TRIP12: variants seen among roughly 807,000 people sequenced by gnomAD.
TRIP12 encodes the protein thyroid hormone receptor interactor 12, also known as E3 ubiquitin-protein ligase TRIP12.
TRIP12 carries 25 observed loss-of-function variants against 244.2 expected under a neutral mutation model. That is an observed-to-expected ratio of 0.10 (90% CI 0.07 to 0.14). The LOEUF is 0.14. Among genes scored for constraint, TRIP12 ranks in the 10% least tolerant of loss-of-function variants. TRIP12 has a pLI of 1.00. For missense variants in TRIP12, 1,677 were observed against 2,486.4 expected (o/e 0.67, Z 6.92); for synonymous variants, 905 against 873.1 (o/e 1.04, Z -0.64).
intron 1 of TRIP12, among the ~76,000 whole-genome samples, chr2:229,900,112 C>T (rs904799111): frequency 1.3e-5 from 2 of 152,172 alleles, no homozygotes; most frequent in Non-Finnish European, 2.9e-5. Flanking sequence ...GAGAACTTAA[C>T]ACACTATGTA....
chr2:229,859,584 T>G lies in TRIP12; in HGVS notation c.225-10A>C, dbSNP rs550235760. Reference sequence around the variant, plus strand: ...TGATGAACTGCAGCTTCTAAGAGGTTAGATAAGAAAACAGTTAATATCAGC... The same window carrying G: ...TGATGAACTGCAGCTTCTAAGAGGTGAGATAAGAAAACAGTTAATATCAGC... On this transcript the variant is annotated splice_polypyrimidine_tract_variant and intron_variant, in intron 3 of 41. Coordinates refer to ENST00000675903, the MANE Select transcript of TRIP12 (RefSeq NM_001348323.3). 6.2e-7 allele frequency: 1 copy of G among 1,603,474 alleles called. No homozygotes were observed. The highest frequency in any genetic ancestry group is 8.5e-7 in the Non-Finnish European group (1 of 1,175,342).
At chr2:229,837,490 C>T (rs1406911241) in intron 5 of TRIP12, among the ~76,000 whole-genome samples, 2 of 152,042 alleles carry the variant, frequency 1.3e-5, no homozygotes, top group East Asian at 3.9e-4. Context: ...CAAAAATTAG[C>T]CAGGTGTGGT....
In TRIP12 at chr2:229,840,700, C is replaced by CA. The variant is rs1476686036; in HGVS notation, c.1133+121dup. ...CTGGGTGACAAGAGCAAGACTCCGT[C>CA]AAAAAACAAAACAAAACAAACAAAA... On this transcript the variant is annotated intron_variant, in intron 5 of 41. Transcript: ENST00000675903. 3.8e-5 allele frequency: 29 copies of CA among 771,440 alleles called. 1 individual carries two copies. The South Asian group carries it at 4.4e-4, about 12-fold the overall frequency. 47.8% of individuals were successfully genotyped at this position (771,440 alleles called of 1,614,324 possible).
chr2:229,918,532 A>G (rs2075925741), intron 1 of TRIP12, among the ~76,000 whole-genome samples: 1 of 152,238 alleles, frequency 6.6e-6, no homozygotes, highest in South Asian at 2.1e-4. Context: ...ACAAACCAGA[A>G]CAGGTACTTT....
intron 2 of TRIP12, among the ~76,000 whole-genome samples, chr2:229,869,608 C>T (rs956513397): frequency 1.3e-5 from 2 of 152,258 alleles, no homozygotes; most frequent in African/African-American, 2.4e-5. Context: ...AAAAACCCTA[C>T]CCTACCCTCA....
chr2:229,854,946 C>A (rs544379684), intron 4 of TRIP12, among the ~76,000 whole-genome samples: 23 of 152,300 alleles, frequency 1.5e-4, no homozygotes, highest in Non-Finnish European at 2.6e-4. Context: ...AGCTTCCTAA[C>A]CGGTAAACTG....
At chr2:229,781,436 G>A (rs555394533) in intron 34 of TRIP12, among the ~76,000 whole-genome samples, 1 of 152,182 alleles carries the variant, frequency 6.6e-6, no homozygotes. Flanking sequence ...AACAACATGA[G>A]GAGGCAGCTG....
intron 37 of TRIP12, among the ~76,000 whole-genome samples, 194 bp from the exon 38 acceptor site, chr2:229,774,455 TAAGAA>T (rs1347501724): frequency 1.3e-5 from 2 of 152,178 alleles, no homozygotes; most frequent in African/African-American, 2.4e-5. Flanking sequence ...GAAGTAAGCA[TAAGAA>T]AAGAGAGCTG....
intron 38 of TRIP12, among the ~76,000 whole-genome samples, chr2:229,772,038 C>T (rs534857435): frequency 2.3e-4 from 35 of 152,198 alleles, no homozygotes; most frequent in Middle Eastern, 3.2e-3. Flanking sequence ...TAATTTTTAA[C>T]GTAAAATGTT....
At chr2:229,801,990 C>A (rs1014953779) in intron 21 of TRIP12, among the ~76,000 whole-genome samples, 1 of 152,080 alleles carries the variant, frequency 6.6e-6, no homozygotes, top group African/African-American at 2.4e-5. Flanking sequence ...TGTGTAACAC[C>A]GTGCAAGTCA....
chr2:229,893,669 T>C (rs752276798), intron 1 of TRIP12, among the ~76,000 whole-genome samples: 3 of 152,226 alleles, frequency 2.0e-5, no homozygotes, highest in African/African-American at 7.2e-5. Context: ...TTCTACTGTA[T>C]GAATATGAAC....
Position 229,778,596 on chromosome 2 carries a change from CA to C in TRIP12, c.5210-10del. On this transcript the variant is annotated splice_polypyrimidine_tract_variant and intron_variant, in intron 35 of 41. Transcript: ENST00000675903. This position sits in a 1 kb window ranked among gnomAD's most constrained non-coding sequence, Gnocchi z 4.1. ...GGTCCCTTCTTGGCTCCCTGAAAAA[CA>C]AGCAATGCAGCAAACTTCAGATGAT... The C allele has an allele frequency of 1.2e-6, 2 of 1,606,536 alleles. No homozygotes were observed. Among genetic ancestry groups the C allele is most frequent in the Non-Finnish European group, 8.5e-7 (1 of 1,176,260 alleles).
At chr2:229,905,323 G>A (rs1161759811) in intron 1 of TRIP12, among the ~76,000 whole-genome samples, 1 of 151,260 alleles carries the variant, frequency 6.6e-6, no homozygotes, top group Non-Finnish European at 1.5e-5. Flanking sequence ...AAGTGGGCAA[G>A]TGCAGATAAT....
chr2:229,795,367 C>T, intron 25 of TRIP12, 37 bp from the exon 26 acceptor site: 1 of 1,566,010 alleles, frequency 6.4e-7, no homozygotes, highest in Non-Finnish European at 8.7e-7. Flanking sequence ...TAAACAAAGC[C>T]TTTTCAAAAC....
chr2:229,903,018 CTTTTTT>C (rs57794819), intron 1 of TRIP12, among the ~76,000 whole-genome samples: 15 of 104,898 alleles, frequency 1.4e-4, no homozygotes, highest in African/African-American at 4.4e-4. Flanking sequence ...TTCTTTTTTT[CTTTTTT>C]TTTTTTTTTT....
chr2:229,803,923 ATTACT>A (rs1477187597), intron 19 of TRIP12, 71 bp downstream of exon 19: 3 of 1,318,696 alleles, frequency 2.3e-6, no homozygotes, highest in Non-Finnish European at 3.1e-6. Context: ...TTTTTCTATT[ATTACT>A]TTAGAGGTTT....
At chr2:229,910,777 T>C (rs2074111726) in intron 1 of TRIP12, among the ~76,000 whole-genome samples, 1 of 151,964 alleles carries the variant, frequency 6.6e-6, no homozygotes, top group African/African-American at 2.4e-5. Flanking sequence ...AAGAGTAGAG[T>C]AAAAAAGATG....
chr2:229,907,899 T>G (rs983368431), intron 1 of TRIP12, among the ~76,000 whole-genome samples: 2 of 152,166 alleles, frequency 1.3e-5, no homozygotes, highest in African/African-American at 4.8e-5. Flanking sequence ...TATTAACTAA[T>G]TTAATCCTCA....
At chr2:229,791,015 AACTAT>A in intron 30 of TRIP12, 104 bp downstream of exon 30, 2 of 1,373,030 alleles carry the variant, frequency 1.5e-6, no homozygotes, top group Non-Finnish European at 2.0e-6. Flanking sequence ...TTTATTTCTC[AACTAT>A]ATTCAAAAAT....
Sources: allele counts gnomAD v4.1 joint callset (sites outside exome capture counted in the v4.1 genomes callset), GRCh38; gene constraint gnomAD v4.1.1; non-coding constraint Gnocchi (gnomAD v3.1); transcripts MANE v1.5; gene names NCBI Gene and HGNC (gene_info 2026-07-23, HGNC 2026-07-21).